NPEPPS: variants seen among roughly 807,000 people sequenced by gnomAD.
NPEPPS encodes the protein aminopeptidase puromycin sensitive, also known as puromycin-sensitive aminopeptidase.
A neutral mutation model predicts 115.5 loss-of-function variants in NPEPPS; 14 were observed. The ratio of observed to expected loss-of-function variants is 0.12; its 90% confidence interval spans 0.08 to 0.19. The LOEUF is 0.19. NPEPPS is among the 10% of genes least tolerant of loss of function. The probability of loss-of-function intolerance (pLI) is 1.00; values close to 1 mark genes in which losing one functional copy is unlikely to be tolerated. For synonymous variants in NPEPPS, 285 were observed against 390.6 expected, an observed-to-expected ratio of 0.73 and a Z score of 3.19; for missense variants, 523 against 1,110.8, an observed-to-expected ratio of 0.47 and a Z score of 7.52.
chr17:47,558,373 C>T (rs139567769), intron 2 of NPEPPS, among the ~76,000 whole-genome samples: 2,376 of 150,194 alleles, frequency 0.016, 23 homozygotes, highest in Middle Eastern at 0.05. Flanking sequence ...AAGTGATCCA[C>T]GTGCCTCAGC....
At chr17:47,585,981 T>C in intron 6 of NPEPPS, 167 bp from the exon 7 acceptor site, 1 of 590,990 alleles carries the variant, frequency 1.7e-6, no homozygotes, top group Non-Finnish European at 2.9e-6. Flanking sequence ...AGTTTGGCCA[T>C]TGTATTCAAA....
chr17:47,535,512 C>T (rs1206844236), intron 1 of NPEPPS, among the ~76,000 whole-genome samples: 2 of 144,326 alleles, frequency 1.4e-5, no homozygotes, highest in Admixed American at 7.1e-5. Flanking sequence ...GATCGCGCCA[C>T]GCACTCCAGC....
chr17:47,546,062 G>GTT lies in NPEPPS; in HGVS notation c.340+70_340+71insTT. 3.3e-6 allele frequency: 5 copies of GTT among 1,497,662 alleles called. No homozygotes were observed. The East Asian group carries it at 1.3e-4, about 38-fold the overall frequency. The allele number at this position is 1,497,662 out of a possible 1,614,324, so 92.8% of individuals were successfully genotyped here. On this transcript the variant is annotated intron_variant, in intron 2 of 22. Transcript: ENST00000322157. The stretch of plus-strand genomic sequence containing the variant: ...ATGTGGGGTGTGTGTGTGTGTGTGT[G>GTT]TGTGTGTGTGTGAGAGAGAGAGAGA...
chr17:47,550,330 T>G (rs1909551525), intron 2 of NPEPPS, among the ~76,000 whole-genome samples: 1 of 129,226 alleles, frequency 7.7e-6, no homozygotes, highest in South Asian at 2.6e-4. Context: ...CATGTGTGTG[T>G]TTTTTTTTTT....
At chr17:47,559,916 A>G (rs1224353774) in intron 2 of NPEPPS, among the ~76,000 whole-genome samples, 3 of 152,098 alleles carry the variant, frequency 2.0e-5, no homozygotes, top group Admixed American at 6.6e-5. Flanking sequence ...CAAAGCCCCC[A>G]GTGTTGATGG....
chr17:47,531,078 G>C (rs1359082147), upstream of NPEPPS: 1 of 600,492 alleles, frequency 1.7e-6, no homozygotes, highest in Non-Finnish European at 2.6e-6. Context: ...GCGCCCGGCC[G>C]GCGGGGCCGC....
At chr17:47,567,063 A>T (rs994602824) in intron 2 of NPEPPS, among the ~76,000 whole-genome samples, 1 of 152,168 alleles carries the variant, frequency 6.6e-6, no homozygotes, top group African/African-American at 2.4e-5. Flanking sequence ...CTGGGCAACA[A>T]AGTGAGATCC....
chr17:47,530,110 T>A (rs1439668477), upstream of NPEPPS, among the ~76,000 whole-genome samples: 13 of 136,644 alleles, frequency 9.5e-5, no homozygotes, highest in East Asian at 4.5e-4. Context: ...CTATTTTTTT[T>A]TTTTTTGTAT....
intron 2 of NPEPPS, among the ~76,000 whole-genome samples, chr17:47,551,051 G>C (rs2143734585): frequency 6.6e-6 from 1 of 152,284 alleles, no homozygotes; most frequent in East Asian, 1.9e-4. Flanking sequence ...TATAAGACAA[G>C]ACCTGGTTTT....
intron 2 of NPEPPS, among the ~76,000 whole-genome samples, chr17:47,568,224 C>T (rs966057676): frequency 1.3e-5 from 2 of 150,868 alleles, no homozygotes; most frequent in African/African-American, 4.9e-5. Flanking sequence ...AGTACAGTGG[C>T]ACAATCTCGG....
chr17:47,562,386 C>T (rs1422243935), intron 2 of NPEPPS, among the ~76,000 whole-genome samples: 2 of 152,180 alleles, frequency 1.3e-5, no homozygotes, highest in African/African-American at 4.8e-5. Flanking sequence ...CTGGTGGTAT[C>T]GTCTGCAGAA....
Position 47,531,381 on chromosome 17 carries a change from C to A in NPEPPS, c.81C>A (p.Leu27=). The part of the protein sequence containing the change: ...LGPPPPPLLL[L]VFSRSSRRRL... ...CTCCGCCTCCTCCCCTCCTCCTTCTCGTCTTCAGCCGCTCCTCTCGCCGCC... is the reference window on the plus strand; with the variant it reads ...CTCCGCCTCCTCCCCTCCTCCTTCTAGTCTTCAGCCGCTCCTCTCGCCGCC... Residue 27 remains leucine, a synonymous_variant, in exon 1 of 23, where the codon CTC becomes CTA. Transcript: ENST00000322157. 3.2e-6 allele frequency: 5 copies of A among 1,541,644 alleles called. No individual in the cohort carries two copies. Among genetic ancestry groups the A allele is most frequent in the Non-Finnish European group, 4.4e-6 (5 of 1,141,484 alleles).
chr17:47,592,813 C>G (rs1196419336), intron 12 of NPEPPS: 6 of 328,694 alleles, frequency 1.8e-5, no homozygotes, highest in Non-Finnish European at 2.9e-5. Flanking sequence ...AGGTTTGTTA[C>G]GTCAGTATAC....
chr17:47,562,525 T>A (rs1910495743), intron 2 of NPEPPS, among the ~76,000 whole-genome samples: 1 of 151,970 alleles, frequency 6.6e-6, no homozygotes, highest in Non-Finnish European at 1.5e-5. Flanking sequence ...AAGAAAATGT[T>A]TCATGATTCA....
chr17:47,585,450 T>C, intron 5 of NPEPPS, 50 bp from the exon 6 acceptor site: 1 of 1,335,028 alleles, frequency 7.5e-7, no homozygotes, highest in Middle Eastern at 1.9e-4. Context: ...ATTTGCTCTA[T>C]GGTATTAATG....
upstream of NPEPPS, among the ~76,000 whole-genome samples, chr17:47,529,737 T>TTATATA (rs56043348): frequency 0.016 from 419 of 25,480 alleles, 11 homozygotes; most frequent in African/African-American, 0.035. Flanking sequence ...TTCAGTTACA[T>TTATATA]TATATATATA....
chr17:47,558,114 TATTA>T (rs1435273892), intron 2 of NPEPPS, among the ~76,000 whole-genome samples: 1 of 151,870 alleles, frequency 6.6e-6, no homozygotes, highest in Non-Finnish European at 1.5e-5. Context: ...TTTTTATTTG[TATTA>T]ATTAATTAAT....
At chr17:47,595,227 A>C (rs1247124140) in intron 12 of NPEPPS, among the ~76,000 whole-genome samples, 1 of 151,870 alleles carries the variant, frequency 6.6e-6, no homozygotes, top group African/African-American at 2.4e-5. Context: ...CACTGCACCC[A>C]GCCTAATTTT....
At chr17:47,585,754 A>C in intron 6 of NPEPPS, 54 bp downstream of exon 6, 1 of 1,306,804 alleles carries the variant, frequency 7.7e-7, no homozygotes, top group Non-Finnish European at 1.1e-6. Flanking sequence ...AGGTTGGGGA[A>C]TTTACATTTC....
Sources: gnomAD v4.1 joint callset for allele counts (sites outside exome capture counted in the v4.1 genomes callset) on GRCh38, gnomAD v4.1.1 for gene constraint, MANE v1.5 for transcripts, NCBI Gene and HGNC (gene_info 2026-07-23, HGNC 2026-07-21) for gene names.